ARID1A: variants seen among roughly 807,000 people sequenced by gnomAD.
ARID1A encodes the protein AT-rich interaction domain 1A.
ARID1A carries 20 observed loss-of-function variants against 212.6 expected under a neutral mutation model. The observed-to-expected ratio is 0.09, with a 90% CI of 0.07 to 0.14. The LOEUF (loss-of-function observed/expected upper bound fraction) is 0.14, where lower values mean the gene tolerates loss of function less well. ARID1A is among the 10% of genes least tolerant of loss of function. The probability of loss-of-function intolerance (pLI) is 1.00; values close to 1 mark genes in which losing one functional copy is unlikely to be tolerated. For synonymous variants in ARID1A, 1,376 were observed against 1,222.1 expected (o/e 1.13, Z -2.63); for missense variants, 2,587 against 3,059.0 (o/e 0.85, Z 3.64).
chr1:26,779,184 G>GGAA lies in ARID1A; in HGVS notation c.5299_5301dup (p.Glu1767dup), dbSNP rs753766136. The GGAA allele has an allele frequency of 5.0e-6, 8 of 1,608,470 alleles. No individual in the cohort carries two copies. In the East Asian group the frequency reaches 6.7e-5, roughly 13 times the overall value. ...CTAGTCCAGCTCCCATGGAGGGTGG[G>GGAA]GAAGAAGAAGAAGAACTTCTAGGTC... is the stretch of plus-strand genomic sequence containing the variant. On this transcript the variant is annotated inframe_insertion, in exon 20 of 20. Coordinates refer to ENST00000324856, the MANE Select transcript of ARID1A (RefSeq NM_006015.6).
At position 26,774,318 on chromosome 1, in the gene ARID1A, C is replaced by A; in HGVS notation, c.4102-11C>A. 6.6e-7 allele frequency: 1 copy of A among 1,526,714 alleles called. No individual in the cohort carries two copies. The highest frequency in any genetic ancestry group is 2.1e-5 in the Admixed American group (1 of 46,800). The allele number at this position is 1,526,714 out of a possible 1,614,324, so 94.6% of individuals were successfully genotyped here. ...GAGTATTAACTTCCCCTCTGCTTGT[C>A]TCTGCCTTAGAATTACAAGCGGCCA... is the stretch of plus-strand genomic sequence containing the variant. On this transcript the variant is annotated splice_polypyrimidine_tract_variant and intron_variant, in intron 17 of 19. Transcript: ENST00000324856. This position sits in a 1 kb window ranked among gnomAD's most constrained non-coding sequence, Gnocchi z 5.6.
At chr1:26,705,846 A>G (rs2080386933) in intron 1 of ARID1A, among the ~76,000 whole-genome samples, 1 of 152,216 alleles carries the variant, frequency 6.6e-6, no homozygotes, top group Non-Finnish European at 1.5e-5. Flanking sequence ...ATCTTGGGAC[A>G]GGTTGAGTCT....
At chr1:26,726,315 A>G (rs1164373799) in intron 1 of ARID1A, among the ~76,000 whole-genome samples, 1 of 151,572 alleles carries the variant, frequency 6.6e-6, no homozygotes, top group Non-Finnish European at 1.5e-5. Context: ...TGGGACTTAT[A>G]GGCATGTGCC....
chr1:26,710,528 C>CACACACACACACACACACACACA (rs1553147494), intron 1 of ARID1A, among the ~76,000 whole-genome samples: 16 of 148,296 alleles, frequency 1.1e-4, no homozygotes, highest in African/African-American at 4.0e-4. Flanking sequence ...CACACACACA[C>CACACACACACACACACACACACA]CACTTGTTGT....
At position 26,773,912 on chromosome 1, in the gene ARID1A, C is replaced by T. The variant is rs1395253119; in HGVS notation, c.4101+14C>T. 8 of 1,612,342 alleles carry T rather than the reference C, an allele frequency of 5.0e-6. No homozygotes were observed. The Admixed American group carries it at 8.3e-5, about 17-fold the overall frequency. ...CAGCAACAGCAGGTGAGGAGGGTAG[C>T]TGGGAATGGACTGGCATGCAGGTTC... On this transcript the variant is annotated intron_variant, in intron 17 of 19. Coordinates refer to ENST00000324856, the MANE Select transcript of ARID1A (RefSeq NM_006015.6).
At chr1:26,772,743 C>G (rs949437908) in intron 13 of ARID1A, 69 bp from the exon 14 acceptor site, 1 of 1,605,922 alleles carries the variant, frequency 6.2e-7, no homozygotes, top group South Asian at 1.1e-5. Flanking sequence ...CCAGTGACTC[C>G]TGCGTGTCCT....
Position 26,696,336 on chromosome 1 carries a change from G to A in ARID1A, c.-68G>A, listed in dbSNP as rs1205467929. 4.8e-5 allele frequency: 58 copies of A among 1,206,152 alleles called. No individual in the cohort carries two copies. The African/African-American group carries it at 5.1e-4, about 11-fold the overall frequency. 74.7% of individuals were successfully genotyped at this position (1,206,152 alleles called of 1,614,324 possible). A position where few individuals can be genotyped will look rare whatever the true frequency, so the allele number is the denominator to read the frequency against. On this transcript the variant is annotated 5_prime_UTR_variant, in exon 1 of 20. Transcript: ENST00000324856. ...GCAGCCCGGGGGACTGGGCCCCGGG[G>A]CGGGGTGGGAGGGGGGGAGAAGACG...
rs1318128948 is a variant in ARID1A, at chr1:26,772,971, T to C, written c.3699T>C (p.Tyr1233=). The C allele has an allele frequency of 1.9e-5, 31 of 1,610,724 alleles. No individual in the cohort carries two copies. Among genetic ancestry groups the C allele is most frequent in the African/African-American group, 4.0e-5 (3 of 74,812 alleles). The change falls in exon 14 of 20, where the codon TAT becomes TAC. Residue 1233 remains tyrosine (Y), a synonymous_variant. Coordinates refer to ENST00000324856, the MANE Select transcript of ARID1A (RefSeq NM_006015.6). ...RMSYEPNKDP[Y]GSMRKAPGSD... ...CCTATGAGCCAAATAAGGATCCTTA[T>C]GGCAGCATGAGGAAAGGTGACTGAT...
chr1:26,704,062 A>T (rs2080364064), intron 1 of ARID1A, among the ~76,000 whole-genome samples: 1 of 152,186 alleles, frequency 6.6e-6, no homozygotes, highest in Non-Finnish European at 1.5e-5. Flanking sequence ...TCATAATGCT[A>T]TTCTTAAGTT....
chr1:26,776,509 G>A (rs533275818), intron 19 of ARID1A, among the ~76,000 whole-genome samples: 6 of 151,854 alleles, frequency 4.0e-5, no homozygotes, highest in African/African-American at 9.7e-5. Flanking sequence ...TCCTGACCTC[G>A]TGATCCAGCC....
At chr1:26,724,541 TCTC>T (rs756810593) in intron 1 of ARID1A, among the ~76,000 whole-genome samples, 2 of 152,218 alleles carry the variant, frequency 1.3e-5, no homozygotes, top group African/African-American at 2.4e-5. Context: ...TTCTCTGCTC[TCTC>T]CTCGGTCATG....
intron 4 of ARID1A, among the ~76,000 whole-genome samples, chr1:26,758,729 A>T (rs1456734092): frequency 6.6e-6 from 1 of 151,978 alleles, no homozygotes; most frequent in East Asian, 1.9e-4. Flanking sequence ...AGAAAGGAGG[A>T]TGTCCTTTGC....
chr1:26,725,608 A>G (rs1047406448), intron 1 of ARID1A, among the ~76,000 whole-genome samples: 13 of 152,192 alleles, frequency 8.5e-5, no homozygotes, highest in African/African-American at 3.1e-4. Context: ...AAGAAAGCAT[A>G]TTAATTTTAT....
chr1:26,708,086 C>G (rs917517193), intron 1 of ARID1A, among the ~76,000 whole-genome samples: 1 of 151,968 alleles, frequency 6.6e-6, no homozygotes, highest in Admixed American at 6.6e-5. Context: ...ATCCCTTCCA[C>G]TTAGGGTTTT....
chr1:26,756,250 A>G (rs1396033629), intron 4 of ARID1A, among the ~76,000 whole-genome samples: 1 of 151,910 alleles, frequency 6.6e-6, no homozygotes, highest in African/African-American at 2.4e-5. Context: ...CATCTCTACA[A>G]AAAAATTTAA....
chr1:26,761,210 T>A, intron 5 of ARID1A, 114 bp downstream of exon 5: 8 of 1,504,916 alleles, frequency 5.3e-6, no homozygotes, highest in Non-Finnish European at 7.2e-6. Context: ...GCCTGCATAG[T>A]TTCCCCTTAG....
intron 8 of ARID1A, 24 bp downstream of exon 8, chr1:26,763,309 G>A (rs2124070925): frequency 6.4e-7 from 1 of 1,563,092 alleles, no homozygotes; most frequent in Non-Finnish European, 8.7e-7. Context: ...AGCAGAGAGG[G>A]TGTCAGTGCA....
At chr1:26,708,523 A>G (rs1366902893) in intron 1 of ARID1A, among the ~76,000 whole-genome samples, 1 of 151,132 alleles carries the variant, frequency 6.6e-6, no homozygotes, top group East Asian at 1.9e-4. Flanking sequence ...TGACCTTGTG[A>G]TCCACCTGCC....
chr1:26,768,134 T>C, intron 11 of ARID1A, 135 bp downstream of exon 11: 1 of 1,009,150 alleles, frequency 9.9e-7, no homozygotes, highest in South Asian at 1.7e-5. Context: ...CTAATATTGA[T>C]AGACCGGGGA....
Sources: gnomAD v4.1 joint callset for allele counts (sites outside exome capture counted in the v4.1 genomes callset) on GRCh38, gnomAD v4.1.1 for gene constraint, Gnocchi (gnomAD v3.1) non-coding constraint, MANE v1.5 for transcripts, NCBI Gene and HGNC (gene_info 2026-07-23, HGNC 2026-07-21) for gene names.